Variants in MDM4 observed in about 807,000 individuals in gnomAD.
MDM4 encodes the protein MDM4 regulator of p53.
In MDM4, 2 loss-of-function variants were observed where a neutral mutation model predicts 60.2. The ratio of observed to expected loss-of-function variants is 0.03; its 90% confidence interval spans 0.01 to 0.10. The LOEUF is 0.10. MDM4 is among the 10% of genes least tolerant of loss of function. MDM4 has a pLI of 1.00. For missense variants in MDM4, 447 were observed against 577.5 expected (o/e 0.77, Z 2.32); for synonymous variants, 202 against 198.1 (o/e 1.02, Z -0.17).
chr1:204,523,265 C>G (rs1367300970), intron 1 of MDM4, among the ~76,000 whole-genome samples: 2 of 147,782 alleles, frequency 1.4e-5, no homozygotes, highest in Non-Finnish European at 3.0e-5. Context: ...GTCAGGAGAT[C>G]AAGACCATCC....
chr1:204,553,319 TACTG>T lies in MDM4; in HGVS notation c.*3640_*3643del, dbSNP rs892117533. 21 of 218,494 alleles carry T rather than the reference TACTG, an allele frequency of 9.6e-5. No individual in the cohort carries two copies. The highest frequency in any genetic ancestry group is 1.5e-4 in the Non-Finnish European group (16 of 108,542). The allele number at this position is 218,494 out of a possible 1,614,324, so 13.5% of individuals were successfully genotyped here. ...TTACTGCTATAAGGAAACTTCCAAA[TACTG>T]ACATTTACCTTTTAGCTGTAGTTAT... On this transcript the variant is annotated 3_prime_UTR_variant, in exon 11 of 11. Transcript: ENST00000367182.
At chr1:204,543,387 T>C (rs899810703) in intron 8 of MDM4, among the ~76,000 whole-genome samples, 2 of 152,222 alleles carry the variant, frequency 1.3e-5, no homozygotes, top group Admixed American at 1.3e-4. Flanking sequence ...TGTTTTACTA[T>C]AGTAATAACT....
At chr1:204,537,115 T>C (rs1423445599) in intron 5 of MDM4, 1 of 354,378 alleles carries the variant, frequency 2.8e-6, no homozygotes, top group Non-Finnish European at 5.2e-6. Flanking sequence ...ATAGACTCCA[T>C]TATGTCCTGC....
chr1:204,557,249 C>T lies in MDM4; in HGVS notation c.*7567C>T. On this transcript the variant is annotated 3_prime_UTR_variant, in exon 11 of 11. Transcript: ENST00000367182. ...AGAGCCTGTTTGATTACTGCAGGCC[C>T]TTTTACCCATGCTTCTAGTTTAGGT... 1.0e-5 allele frequency: 2 copies of T among 192,658 alleles called. No individual in the cohort carries two copies. The highest frequency in any genetic ancestry group is 2.2e-5 in the Non-Finnish European group (2 of 92,248). 11.9% of individuals were successfully genotyped at this position (192,658 alleles called of 1,614,324 possible).
intron 1 of MDM4, among the ~76,000 whole-genome samples, chr1:204,516,720 G>C (rs1457645534): frequency 1.3e-5 from 2 of 152,214 alleles, no homozygotes; most frequent in Non-Finnish European, 2.9e-5. Flanking sequence ...AAAAGTGGAG[G>C]TGGGGTGACG....
intron 3 of MDM4, among the ~76,000 whole-genome samples, chr1:204,526,657 G>A (rs564734944): frequency 1.3e-4 from 20 of 151,958 alleles, no homozygotes; most frequent in Non-Finnish European, 5.9e-5. Context: ...TAGAGATGGG[G>A]TTTCACCGTG....
rs1251946112 is a variant in MDM4 at position 204,555,888 on chromosome 1, A to G, written c.*6206A>G. On this transcript the variant is annotated 3_prime_UTR_variant, in exon 11 of 11. Coordinates refer to ENST00000367182, the MANE Select transcript of MDM4 (RefSeq NM_002393.5). ...AAAAAAGGACATTTATCATTATAAC[A>G]TCTTATTAGAGCCCCTAATTTCTTA... 1 of 191,026 alleles carries G rather than the reference A, an allele frequency of 5.2e-6. No individual in the cohort carries two copies. The highest frequency in any genetic ancestry group is 1.1e-5 in the Non-Finnish European group (1 of 91,722). The allele number at this position is 191,026 out of a possible 1,614,324, so 11.8% of individuals were successfully genotyped here.
chr1:204,527,324 G>A (rs1370388624), intron 3 of MDM4, among the ~76,000 whole-genome samples: 1 of 151,930 alleles, frequency 6.6e-6, no homozygotes, highest in Non-Finnish European at 1.5e-5. Context: ...TGATTTACAG[G>A]CTGTATTTTG....
chr1:204,545,006 A>G (rs1438510191), intron 9 of MDM4, among the ~76,000 whole-genome samples: 2 of 152,234 alleles, frequency 1.3e-5, no homozygotes, highest in African/African-American at 4.8e-5. Flanking sequence ...CATGCGGCCC[A>G]GAACAACTTT....
rs1011975434 is a variant in MDM4 at position 204,525,592 on chromosome 1, A to T, written c.74A>T (p.Asn25Ile). 1.3e-6 allele frequency: 2 copies of T among 1,566,500 alleles called. No individual in the cohort carries two copies. Among genetic ancestry groups the T allele is most frequent in the Admixed American group, 3.7e-5 (2 of 53,818 alleles). Residue 25 changes from asparagine (N) to isoleucine (I), a missense_variant, in exon 2 of 11, where the codon AAT becomes ATT. Coordinates refer to ENST00000367182, the MANE Select transcript of MDM4 (RefSeq NM_002393.5). ...TGCAGGATCTCTCCTGGACAAATCA[A>T]TCAGGTAAATCATTTTCGGTATTTC... ...SACRISPGQI[N>I]QVRPKLPLLK...
Position 204,524,759 on chromosome 1 carries a change from A to G in MDM4, c.-35-725A>G, listed in dbSNP as rs375772995. On this transcript the variant is annotated intron_variant, in intron 1 of 10. Transcript: ENST00000367182. Reference sequence around the variant, plus strand: ...GCCATTGCGCTTCAGCCTGGGGGACAGCGAGACTGTGTCTCAAAATAAATA... The same window carrying G: ...GCCATTGCGCTTCAGCCTGGGGGACGGCGAGACTGTGTCTCAAAATAAATA... Among the ~76,000 whole-genome samples, 12 of 152,400 alleles carry G rather than the reference A, an allele frequency of 7.9e-5. No homozygotes were observed. In the East Asian group the frequency reaches 2.3e-3, roughly 29 times the overall value.
Position 204,554,385 on chromosome 1 carries a change from C to T in MDM4, c.*4703C>T. On this transcript the variant is annotated 3_prime_UTR_variant, in exon 11 of 11. Transcript: ENST00000367182. ...ACGAGCAATTAGTTCTGATGGTTCT[C>T]CCAGTCATGAGTGTGCATGTGTGCA... The T allele has an allele frequency of 4.4e-6, 1 of 226,378 alleles. No individual in the cohort carries two copies. The highest frequency in any genetic ancestry group is 8.8e-6 in the Non-Finnish European group (1 of 113,840). 14.0% of individuals were successfully genotyped at this position (226,378 alleles called of 1,614,324 possible). A position where few individuals can be genotyped will look rare whatever the true frequency, so the allele number is the denominator to read the frequency against.
intron 1 of MDM4, among the ~76,000 whole-genome samples, chr1:204,523,608 T>A (rs539819138): frequency 6.7e-6 from 1 of 150,300 alleles, no homozygotes; most frequent in Non-Finnish European, 1.5e-5. Context: ...CTCAGCTTCC[T>A]TAGTAGTTGG....
chr1:204,551,461 C>A lies in MDM4; in HGVS notation c.*1779C>A. On this transcript the variant is annotated 3_prime_UTR_variant, in exon 11 of 11. Coordinates refer to ENST00000367182, the MANE Select transcript of MDM4 (RefSeq NM_002393.5). ...ATACTGGATGGTTGAGAGGCAGCCT[C>A]TTTTTTTTTTTTTTTTTTTTTTTTT... 1.1e-5 allele frequency: 1 copy of A among 87,746 alleles called. No homozygotes were observed. The highest frequency in any genetic ancestry group is 1.9e-5 in the Non-Finnish European group (1 of 51,640). 5.4% of individuals were successfully genotyped at this position (87,746 alleles called of 1,614,324 possible). A position where few individuals can be genotyped will look rare whatever the true frequency, so the allele number is the denominator to read the frequency against.
intron 3 of MDM4, among the ~76,000 whole-genome samples, chr1:204,530,269 AATT>A (rs1288826912): frequency 6.6e-6 from 1 of 152,244 alleles, no homozygotes; most frequent in Admixed American, 6.5e-5. Context: ...TGCCAAAAAG[AATT>A]ATTATGTGAA....
At chr1:204,537,122 C>A in intron 5 of MDM4, 1 of 360,184 alleles carries the variant, frequency 2.8e-6, no homozygotes, top group Non-Finnish European at 5.1e-6. Context: ...CCATTATGTC[C>A]TGCTTGGAAC....
chr1:204,537,851 A>T, intron 6 of MDM4: 1 of 659,728 alleles, frequency 1.5e-6, no homozygotes, highest in South Asian at 1.4e-5. Context: ...AAGCTTCCCC[A>T]AACCTGGGGA....
At chr1:204,537,583 C>A in intron 6 of MDM4, 86 bp downstream of exon 6, 1 of 917,936 alleles carries the variant, frequency 1.1e-6, no homozygotes, top group South Asian at 1.4e-5. Context: ...AAGACCTTTC[C>A]CTGAATGTGG....
At position 204,525,579 on chromosome 1, in the gene MDM4, C is replaced by G. The variant is rs1481232207; in HGVS notation, c.61C>G (p.Pro21Ala). Residue 21 changes from proline to alanine, a missense_variant, in exon 2 of 11, where the codon CCT (proline) becomes GCT (alanine). Pro to Ala is a conservative substitution (Grantham distance 27). Around this residue, in one of 8 missense-constraint regions of MDM4, gnomAD observed 33 missense variants for 28.8 expected, o/e 1.15. Transcript: ENST00000367182. ...STSDSACRISPGQINQVRPKL... is the reference protein window; with the variant it reads ...STSDSACRISAGQINQVRPKL... ...ATCTGACAGTGCTTGCAGGATCTCT[C>G]CTGGACAAATCAATCAGGTAAATCA... The G allele has an allele frequency of 6.3e-7, 1 of 1,598,212 alleles. No individual in the cohort carries two copies. Among genetic ancestry groups the G allele is most frequent in the Non-Finnish European group, 8.5e-7 (1 of 1,171,732 alleles).
Sources: gnomAD v4.1 joint callset for allele counts (sites outside exome capture counted in the v4.1 genomes callset) on GRCh38, gnomAD v4.1.1 for gene constraint, gnomAD v4.1.1 regional missense constraint, MANE v1.5 for transcripts, NCBI Gene and HGNC (gene_info 2026-07-23, HGNC 2026-07-21) for gene names.